ERBB4: variants seen among roughly 807,000 people sequenced by gnomAD.
The protein encoded by ERBB4 is receptor tyrosine-protein kinase erbB-4.
ERBB4 carries 42 observed loss-of-function variants against 158.0 expected under a neutral mutation model. That is an observed-to-expected ratio of 0.27 (90% CI 0.21 to 0.34). ERBB4 has a LOEUF of 0.34. ERBB4 is among the 10% of genes least tolerant of loss of function. ERBB4 has a pLI of 1.00. For synonymous variants in ERBB4, 583 were observed against 558.7 expected, an observed-to-expected ratio of 1.04 and a Z score of -0.61; for missense variants, 1,333 against 1,624.1, an observed-to-expected ratio of 0.82 and a Z score of 3.08.
intron 1 of ERBB4, among the ~76,000 whole-genome samples, chr2:212,170,505 G>A (rs2081482793): frequency 6.6e-6 from 1 of 152,146 alleles, no homozygotes; most frequent in Non-Finnish European, 1.5e-5. Flanking sequence ...CCAAGACAAT[G>A]GGGAAAATGT....
intron 4 of ERBB4, among the ~76,000 whole-genome samples, chr2:211,763,110 T>C (rs1384533274): frequency 6.6e-6 from 1 of 152,144 alleles, no homozygotes; most frequent in African/African-American, 2.4e-5. Context: ...GCACTGAAAG[T>C]ATTAAGCAGA....
intron 25 of ERBB4, among the ~76,000 whole-genome samples, chr2:211,402,808 C>A (rs2063072292): frequency 6.6e-6 from 1 of 151,866 alleles, no homozygotes; most frequent in Non-Finnish European, 1.5e-5. Context: ...TTTCAGAGAC[C>A]ACCCCATCCA....
intron 1 of ERBB4, among the ~76,000 whole-genome samples, chr2:212,172,410 C>A (rs1177136870): frequency 6.6e-6 from 1 of 152,160 alleles, no homozygotes; most frequent in Non-Finnish European, 1.5e-5. Flanking sequence ...AATCCCATTA[C>A]TGGGAATATA....
At chr2:212,266,814 T>C (rs913562924) in intron 1 of ERBB4, among the ~76,000 whole-genome samples, 1 of 151,980 alleles carries the variant, frequency 6.6e-6, no homozygotes, top group South Asian at 2.1e-4. Context: ...AATTAGGTTT[T>C]AGATTAAATA....
intron 3 of ERBB4, among the ~76,000 whole-genome samples, chr2:211,885,779 C>A (rs548497785): frequency 1.1e-4 from 17 of 152,092 alleles, no homozygotes; most frequent in Non-Finnish European, 2.1e-4. Flanking sequence ...ATCTAAAATG[C>A]ATTTCATCAT....
intron 19 of ERBB4, among the ~76,000 whole-genome samples, chr2:211,571,217 G>C (rs1004877415): frequency 6.6e-6 from 1 of 151,476 alleles, no homozygotes; most frequent in Non-Finnish European, 1.5e-5. Context: ...AATACTACCC[G>C]GGCTTTGGCT....
chr2:211,589,492 C>A (rs2068395257), intron 19 of ERBB4, among the ~76,000 whole-genome samples: 1 of 152,132 alleles, frequency 6.6e-6, no homozygotes, highest in Admixed American at 6.6e-5. Flanking sequence ...AAATTTGTAG[C>A]CCGAATGAGT....
At chr2:211,502,958 T>A (rs550867151) in intron 20 of ERBB4, among the ~76,000 whole-genome samples, 1 of 152,196 alleles carries the variant, frequency 6.6e-6, no homozygotes, top group African/African-American at 2.4e-5. Flanking sequence ...ACACTGAAAC[T>A]TAATAGAGAG....
intron 15 of ERBB4, among the ~76,000 whole-genome samples, chr2:211,660,106 G>A (rs2071362629): frequency 6.6e-6 from 1 of 152,190 alleles, no homozygotes; most frequent in Admixed American, 6.5e-5. Context: ...GCAATAGGAA[G>A]AGGGGAAAAA....
intron 1 of ERBB4, among the ~76,000 whole-genome samples, chr2:212,288,550 G>C (rs7601915): frequency 0.21 from 31,471 of 151,928 alleles, 3,761 homozygotes; most frequent in South Asian, 0.34. Context: ...CTCTCCTGTT[G>C]CAGCATAGTA....
At chr2:211,953,186 C>G (rs2080924628) in intron 2 of ERBB4, among the ~76,000 whole-genome samples, 1 of 151,662 alleles carries the variant, frequency 6.6e-6, no homozygotes, top group African/African-American at 2.4e-5. Context: ...ATTGTTTGAA[C>G]AAAACAATTA....
At chr2:212,302,876 G>T (rs1021250390) in intron 1 of ERBB4, among the ~76,000 whole-genome samples, 1 of 151,210 alleles carries the variant, frequency 6.6e-6, no homozygotes, top group African/African-American at 2.4e-5. Flanking sequence ...TCTATGTATA[G>T]ACATAAAAAA....
intron 1 of ERBB4, among the ~76,000 whole-genome samples, chr2:212,259,767 G>T (rs2084866557): frequency 6.6e-6 from 1 of 151,956 alleles, no homozygotes; most frequent in Non-Finnish European, 1.5e-5. Flanking sequence ...GAATAACAGA[G>T]AATAAGAAAT....
In ERBB4 at chr2:211,420,429, A is replaced by G; in HGVS notation, c.3135+12T>C. On this transcript the variant is annotated intron_variant, in intron 25 of 27. Transcript: ENST00000342788. ...AGAAAGAATATGATATGTGTATATA[A>G]TTATTTCTTACCCTATTCGAGTCAA... is the stretch of plus-strand genomic sequence containing the variant. The G allele has an allele frequency of 6.3e-7, 1 of 1,580,198 alleles. No individual in the cohort carries two copies. The highest frequency in any genetic ancestry group is 1.3e-5 in the African/African-American group (1 of 74,232).
intron 19 of ERBB4, among the ~76,000 whole-genome samples, chr2:211,576,340 A>G (rs2067892667): frequency 6.6e-6 from 1 of 152,188 alleles, no homozygotes; most frequent in Non-Finnish European, 1.5e-5. Flanking sequence ...GAGGGCATCC[A>G]ATTCTGGTCC....
intron 3 of ERBB4, among the ~76,000 whole-genome samples, chr2:211,872,629 G>T (rs955584021): frequency 1.3e-5 from 2 of 152,014 alleles, no homozygotes; most frequent in Non-Finnish European, 2.9e-5. Context: ...ATATTTAAAG[G>T]TCAATATGGT....
At chr2:212,021,864 C>T (rs1262302059) in intron 2 of ERBB4, among the ~76,000 whole-genome samples, 1 of 151,968 alleles carries the variant, frequency 6.6e-6, no homozygotes, top group Non-Finnish European at 1.5e-5. Context: ...GGGCAAAGTA[C>T]ATGAACAGCC....
chr2:212,011,788 G>A (rs1392742660), intron 2 of ERBB4, among the ~76,000 whole-genome samples: 1 of 151,590 alleles, frequency 6.6e-6, no homozygotes, highest in Admixed American at 6.6e-5. Context: ...AGGTAGTGAT[G>A]TGAACTTCCT....
intron 7 of ERBB4, among the ~76,000 whole-genome samples, chr2:211,715,351 T>C (rs181287081): frequency 2.1e-4 from 32 of 152,292 alleles, no homozygotes; most frequent in African/African-American, 6.3e-4. Context: ...AAGTCCAATC[T>C]TGCTTTCTTC....
Sources: allele counts gnomAD v4.1 joint callset (sites outside exome capture counted in the v4.1 genomes callset), GRCh38; gene constraint gnomAD v4.1.1; transcripts MANE v1.5; gene names NCBI Gene and HGNC (gene_info 2026-07-23, HGNC 2026-07-21).